Variants in MNAT1 observed in about 807,000 individuals in gnomAD.
The protein encoded by MNAT1 is CDK-activating kinase assembly factor MAT1.
A neutral mutation model predicts 42.0 loss-of-function variants in MNAT1; 43 were observed. The ratio of observed to expected loss-of-function variants is 1.02; its 90% confidence interval spans 0.80 to 1.32. The LOEUF (loss-of-function observed/expected upper bound fraction) is 1.32. Among genes scored for constraint, MNAT1 ranks in the 40% most tolerant of loss-of-function variants. The pLI is 0.00. For synonymous variants in MNAT1, 118 were observed against 120.0 expected (o/e 0.98, Z 0.11); for missense variants, 306 against 350.4 (o/e 0.87, Z 1.01).
At chr14:60,862,760 C>G (rs1267624111) in intron 6 of MNAT1, among the ~76,000 whole-genome samples, 1 of 152,068 alleles carries the variant, frequency 6.6e-6, no homozygotes, top group African/African-American at 2.4e-5. Flanking sequence ...TGTTTTCATA[C>G]AGATTAAAAA....
chr14:60,888,095 G>T (rs879356530), intron 7 of MNAT1, among the ~76,000 whole-genome samples: 6 of 147,864 alleles, frequency 4.1e-5, no homozygotes, highest in South Asian at 2.2e-4. Flanking sequence ...CTAACTCATT[G>T]TATGAGGCCA....
At chr14:60,923,573 G>A (rs2035705382) in intron 7 of MNAT1, among the ~76,000 whole-genome samples, 1 of 151,984 alleles carries the variant, frequency 6.6e-6, no homozygotes, top group Non-Finnish European at 1.5e-5. Flanking sequence ...TATTTAACCA[G>A]TCTTCAATTA....
At chr14:60,794,232 C>T (rs185595687) in intron 1 of MNAT1, among the ~76,000 whole-genome samples, 4 of 152,098 alleles carry the variant, frequency 2.6e-5, no homozygotes, top group African/African-American at 4.8e-5. Context: ...TTAATTTCCT[C>T]TAACCACAAA....
chr14:60,938,474 A>G (rs951598733), intron 7 of MNAT1, among the ~76,000 whole-genome samples: 2 of 152,156 alleles, frequency 1.3e-5, no homozygotes, highest in South Asian at 2.1e-4. Flanking sequence ...TTCTGCCTCT[A>G]TTGAGATAAT....
chr14:60,878,262 AAT>A (rs2034475302), intron 6 of MNAT1, among the ~76,000 whole-genome samples: 1 of 152,134 alleles, frequency 6.6e-6, no homozygotes, highest in South Asian at 2.1e-4. Context: ...TTTTGTAAGC[AAT>A]GATACCAGGC....
At chr14:60,744,233 G>C (rs539500386) in intron 1 of MNAT1, among the ~76,000 whole-genome samples, 11 of 152,250 alleles carry the variant, frequency 7.2e-5, no homozygotes, top group Admixed American at 6.5e-4. Flanking sequence ...TTAGGTTCAA[G>C]TGATTCTCCT....
chr14:60,956,705 T>C (rs964755349), intron 7 of MNAT1, among the ~76,000 whole-genome samples: 12 of 152,218 alleles, frequency 7.9e-5, no homozygotes, highest in Non-Finnish European at 2.9e-5. Flanking sequence ...TATATTTACA[T>C]TTGTTATATC....
chr14:60,759,889 A>AT (rs1002167666), intron 1 of MNAT1, among the ~76,000 whole-genome samples: 2 of 152,154 alleles, frequency 1.3e-5, no homozygotes, highest in East Asian at 1.9e-4. Flanking sequence ...TTTAAAAGAA[A>AT]TTTTTTTAAA....
intron 6 of MNAT1, among the ~76,000 whole-genome samples, chr14:60,869,041 T>TGTATATATATATATATATATA (rs373998263): frequency 1.1e-5 from 1 of 92,792 alleles, no homozygotes; most frequent in African/African-American, 4.3e-5. Flanking sequence ...TATATATATA[T>TGTATATATATATATATATATA]TTTTTTTTTT....
At chr14:60,931,728 C>A (rs1489682154) in intron 7 of MNAT1, among the ~76,000 whole-genome samples, 3 of 151,844 alleles carry the variant, frequency 2.0e-5, no homozygotes, top group African/African-American at 7.3e-5. Flanking sequence ...GTACTACTTA[C>A]TTTAATGCAT....
intron 7 of MNAT1, among the ~76,000 whole-genome samples, chr14:60,934,898 A>T (rs2139575811): frequency 6.6e-6 from 1 of 152,298 alleles, no homozygotes; most frequent in Admixed American, 6.5e-5. Context: ...CTAGTTTATC[A>T]AGGGTTTCCT....
intron 1 of MNAT1, among the ~76,000 whole-genome samples, chr14:60,775,648 G>A (rs551888553): frequency 1.1e-4 from 17 of 152,198 alleles, no homozygotes; most frequent in African/African-American, 3.4e-4. Context: ...TGGAGGGGAG[G>A]TATTGACTTG....
At chr14:60,902,642 A>G (rs934371870) in intron 7 of MNAT1, among the ~76,000 whole-genome samples, 1 of 152,184 alleles carries the variant, frequency 6.6e-6, no homozygotes, top group African/African-American at 2.4e-5. Context: ...ATAGTAATCA[A>G]ACACCAATCC....
At chr14:60,949,401 TAAG>T (rs971784576) in intron 7 of MNAT1, among the ~76,000 whole-genome samples, 2 of 152,140 alleles carry the variant, frequency 1.3e-5, no homozygotes, top group African/African-American at 4.8e-5. Context: ...AGTGATGAAA[TAAG>T]AAGTCTACAT....
At chr14:60,748,936 G>A (rs2029951785) in intron 1 of MNAT1, among the ~76,000 whole-genome samples, 1 of 152,156 alleles carries the variant, frequency 6.6e-6, no homozygotes, top group African/African-American at 2.4e-5. Flanking sequence ...TACGACTGGT[G>A]GTACAGTAGG....
At chr14:60,790,552 C>T (rs2031785964) in intron 1 of MNAT1, among the ~76,000 whole-genome samples, 1 of 152,116 alleles carries the variant, frequency 6.6e-6, no homozygotes, top group Non-Finnish European at 1.5e-5. Context: ...ACATCTTACA[C>T]ATATTGATTA....
chr14:60,874,380 A>G (rs1279365905), intron 6 of MNAT1, among the ~76,000 whole-genome samples: 1 of 152,158 alleles, frequency 6.6e-6, no homozygotes, highest in East Asian at 1.9e-4. Context: ...CTGCTCTGGT[A>G]ATATCGCTGT....
chr14:60,834,956 C>CCTTCCTTT (rs1407321074), intron 6 of MNAT1, among the ~76,000 whole-genome samples: 1 of 147,550 alleles, frequency 6.8e-6, no homozygotes, highest in Admixed American at 6.8e-5. Context: ...TTCCTTCCTT[C>CCTTCCTTT]CTTCCTTCCT....
chr14:60,838,665 A>G (rs2033463474), intron 6 of MNAT1, among the ~76,000 whole-genome samples: 3 of 151,824 alleles, frequency 2.0e-5, no homozygotes, highest in Non-Finnish European at 4.4e-5. Context: ...GTCCCGCCCC[A>G]TTCTGAGATG....
Sources: allele counts gnomAD v4.1 joint callset (sites outside exome capture counted in the v4.1 genomes callset), GRCh38; gene constraint gnomAD v4.1.1; transcripts MANE v1.5; gene names NCBI Gene and HGNC (gene_info 2026-07-23, HGNC 2026-07-21).